The following RGSL1 variants were observed in gnomAD, a reference collection of about 807,000 sequenced individuals.
The protein encoded by RGSL1 is regulator of G protein signaling protein-like.
Under a neutral mutation model 124.7 loss-of-function variants are expected in RGSL1, and 97 were observed. The observed-to-expected ratio is 0.78, with a 90% CI of 0.66 to 0.92. The LOEUF (loss-of-function observed/expected upper bound fraction) is 0.92, where lower values mean the gene tolerates loss of function less well. Among genes scored for constraint, RGSL1 ranks in the 40% least tolerant of loss-of-function variants. The pLI is 0.00. For missense variants in RGSL1, 1,233 were observed against 1,288.4 expected (o/e 0.96, Z 0.66); for synonymous variants, 424 against 438.1 (o/e 0.97, Z 0.40).
intron 15 of RGSL1, among the ~76,000 whole-genome samples, chr1:182,547,870 A>T (rs1660315599): frequency 6.6e-6 from 1 of 151,688 alleles, no homozygotes; most frequent in Non-Finnish European, 1.5e-5. Flanking sequence ...CAAAAAAAAA[A>T]TGTTCTACTG....
At chr1:182,492,170 G>A (rs1205640395) in intron 8 of RGSL1, among the ~76,000 whole-genome samples, 1 of 152,160 alleles carries the variant, frequency 6.6e-6, no homozygotes, top group Non-Finnish European at 1.5e-5. Context: ...ATTCTTAGGG[G>A]CTTCAATTTT....
At chr1:182,467,463 A>AAC (rs1653437959) in intron 4 of RGSL1, among the ~76,000 whole-genome samples, 2 of 152,192 alleles carry the variant, frequency 1.3e-5, no homozygotes, top group Non-Finnish European at 2.9e-5. Flanking sequence ...AAATAATGCC[A>AAC]CATATCTACA....
At chr1:182,504,733 G>C (rs1656684712) in intron 9 of RGSL1, among the ~76,000 whole-genome samples, 1 of 152,052 alleles carries the variant, frequency 6.6e-6, no homozygotes, top group Non-Finnish European at 1.5e-5. Flanking sequence ...TGGTCATATA[G>C]AGTTTTGACA....
At chr1:182,504,825 T>C (rs1286495738) in intron 9 of RGSL1, among the ~76,000 whole-genome samples, 2 of 152,146 alleles carry the variant, frequency 1.3e-5, no homozygotes, top group Non-Finnish European at 2.9e-5. Context: ...TGGCTCTGTG[T>C]TGGGATGCTC....
At chr1:182,537,311 T>C (rs1037771264) in intron 14 of RGSL1, among the ~76,000 whole-genome samples, 7 of 152,186 alleles carry the variant, frequency 4.6e-5, no homozygotes, top group Non-Finnish European at 5.9e-5. Flanking sequence ...AGTCTATATG[T>C]ATAAGGAGTA....
intron 3 of RGSL1, among the ~76,000 whole-genome samples, 181 bp downstream of exon 3, chr1:182,458,574 A>G (rs764068523): frequency 2.1e-4 from 32 of 152,146 alleles, no homozygotes; most frequent in Non-Finnish European, 3.2e-4. Flanking sequence ...GGCTCAAGCA[A>G]TCCTCCCACC....
chr1:182,530,366 G>C lies in RGSL1; in HGVS notation c.2243+5G>C. ...GAAATCTATAGAAGAAAAGTGGTGA[G>C]TATACTCAATTAAGGAAAGGATTCT... On this transcript the variant is annotated splice_donor_5th_base_variant and intron_variant, in intron 12 of 21. Transcript: ENST00000294854. 2 of 1,544,352 alleles carry C rather than the reference G, an allele frequency of 1.3e-6. No homozygotes were observed. Among genetic ancestry groups the C allele is most frequent in the South Asian group, 2.4e-5 (2 of 83,568 alleles).
intron 6 of RGSL1, among the ~76,000 whole-genome samples, chr1:182,476,811 A>G (rs1164095055): frequency 6.6e-6 from 1 of 151,944 alleles, no homozygotes. Flanking sequence ...CATGCTCATC[A>G]TCAACTGTGC....
chr1:182,494,258 A>G (rs1029385676), intron 9 of RGSL1, among the ~76,000 whole-genome samples: 2 of 152,192 alleles, frequency 1.3e-5, no homozygotes, highest in African/African-American at 4.8e-5. Flanking sequence ...CCCTATCAGT[A>G]CAGTGACTCC....
At chr1:182,504,586 T>C (rs1187473607) in intron 9 of RGSL1, among the ~76,000 whole-genome samples, 4 of 148,564 alleles carry the variant, frequency 2.7e-5, no homozygotes, top group African/African-American at 5.0e-5. Flanking sequence ...CCAAGGAAAT[T>C]AGAAACTCCC....
chr1:182,528,253 C>A (rs1043409692), intron 11 of RGSL1, among the ~76,000 whole-genome samples: 1 of 151,588 alleles, frequency 6.6e-6, no homozygotes, highest in Non-Finnish European at 1.5e-5. Context: ...TCCACCTGGT[C>A]CTGCCCGTGA....
intron 6 of RGSL1, 89 bp from the exon 7 acceptor site, chr1:182,488,196 C>A: frequency 7.8e-7 from 1 of 1,277,074 alleles, no homozygotes; most frequent in Non-Finnish European, 1.1e-6. Flanking sequence ...GAATCTTCAG[C>A]CTACTCTGCT....
intron 2 of RGSL1, among the ~76,000 whole-genome samples, chr1:182,454,246 C>T (rs1291439876): frequency 6.6e-6 from 1 of 152,144 alleles, no homozygotes; most frequent in African/African-American, 2.4e-5. Context: ...TTGTTGATGT[C>T]ATCAGATCCT....
intron 2 of RGSL1, among the ~76,000 whole-genome samples, chr1:182,457,508 C>G (rs1387457150): frequency 6.6e-6 from 1 of 152,178 alleles, no homozygotes; most frequent in African/African-American, 2.4e-5. Context: ...CAGCACCTCA[C>G]AGCCAGTGAC....
At chr1:182,462,702 AC>A (rs1041533263) in intron 4 of RGSL1, among the ~76,000 whole-genome samples, 1 of 152,212 alleles carries the variant, frequency 6.6e-6, no homozygotes, top group African/African-American at 2.4e-5. Context: ...GACATCAACA[AC>A]CAAAAGAGGT....
intron 20 of RGSL1, 200 bp from the exon 21 acceptor site, chr1:182,555,824 G>A: frequency 1.7e-6 from 1 of 593,124 alleles, no homozygotes; most frequent in Non-Finnish European, 3.0e-6. Context: ...CACTGGAAAA[G>A]CAATGCATGG....
At chr1:182,536,973 A>G (rs945242150) in intron 14 of RGSL1, among the ~76,000 whole-genome samples, 1 of 152,204 alleles carries the variant, frequency 6.6e-6, no homozygotes, top group African/African-American at 2.4e-5. Context: ...GTCTGTCCGT[A>G]TCTCTTGCCC....
At chr1:182,503,489 GCGTGTTCT>G (rs1656557883) in intron 9 of RGSL1, among the ~76,000 whole-genome samples, 2 of 150,080 alleles carry the variant, frequency 1.3e-5, no homozygotes, top group African/African-American at 4.9e-5. Flanking sequence ...GACAAACATC[GCGTGTTCT>G]CACATATTTG....
chr1:182,486,770 G>T (rs1374837033), intron 6 of RGSL1, among the ~76,000 whole-genome samples: 1 of 152,110 alleles, frequency 6.6e-6, no homozygotes, highest in East Asian at 1.9e-4. Context: ...CCGCCTCCTG[G>T]GTTCAAGCAA....
Sources: allele counts gnomAD v4.1 joint callset (sites outside exome capture counted in the v4.1 genomes callset), GRCh38; gene constraint gnomAD v4.1.1; transcripts MANE v1.5; gene names NCBI Gene and HGNC (gene_info 2026-07-23, HGNC 2026-07-21).